Variants in AADAT observed in about 807,000 individuals in gnomAD.
AADAT encodes kynurenine/alpha-aminoadipate aminotransferase, mitochondrial.
A neutral mutation model predicts 56.2 loss-of-function variants in AADAT; 25 were observed. The ratio of observed to expected loss-of-function variants is 0.44; its 90% confidence interval spans 0.32 to 0.62. AADAT has a LOEUF of 0.62. AADAT is among the 20% of genes least tolerant of loss of function. The probability of loss-of-function intolerance (pLI) is 0.04; values close to 1 mark genes in which losing one functional copy is unlikely to be tolerated. For synonymous variants in AADAT, 173 were observed against 164.7 expected, an observed-to-expected ratio of 1.05 and a Z score of -0.39; for missense variants, 387 against 510.5, an observed-to-expected ratio of 0.76 and a Z score of 2.33.
chr4:170,087,685 C>T (rs1732631464), intron 2 of AADAT, among the ~76,000 whole-genome samples: 1 of 152,048 alleles, frequency 6.6e-6, no homozygotes, highest in African/African-American at 2.4e-5. Context: ...CACATATATA[C>T]ATGAATAACA....
Position 170,069,247 on chromosome 4 carries a change from A to G in AADAT, c.721-17T>C. On this transcript the variant is annotated splice_polypyrimidine_tract_variant and intron_variant, in intron 6 of 12. Transcript: ENST00000337664. ...TACCCTGAACTTAAAATGAAAAATA[A>G]AAAATACTGTTGGTCTGAAAGCTCT... 6.2e-7 allele frequency: 1 copy of G among 1,604,034 alleles called. No homozygotes were observed. The highest frequency in any genetic ancestry group is 8.5e-7 in the Non-Finnish European group (1 of 1,171,690).
Position 170,087,179 on chromosome 4 carries a change from G to A in AADAT, c.306C>T (p.Tyr102=). 2 of 1,614,098 alleles carry A rather than the reference G, an allele frequency of 1.2e-6. No homozygotes were observed. The highest frequency in any genetic ancestry group is 1.1e-5 in the South Asian group (1 of 91,078). The stretch of plus-strand genomic sequence containing the variant: ...GATCCATTTGTCCTTGACTGGGTGG[G>A]TAATGGATGGTAGGAGGATTATGCA... ...IKLHNPPTIH[Y]PPSQGQMDLC... Residue 102 remains tyrosine (Y), a synonymous_variant, in exon 3 of 13, where the codon TAC becomes TAT. Coordinates refer to ENST00000337664, the MANE Select transcript of AADAT (RefSeq NM_016228.4).
In AADAT at chr4:170,064,193, C is replaced by T. The variant is rs376659220; in HGVS notation, c.1134+526G>A. Among the ~76,000 whole-genome samples, 7 of 152,270 alleles carry T rather than the reference C, an allele frequency of 4.6e-5. No homozygotes were observed. In the East Asian group the frequency reaches 1.4e-3, roughly 29 times the overall value. ...TTTTATACATTTTCCAAATATCCTA[C>T]CACGAGTATACTTTATCTCCATCAT... On this transcript the variant is annotated intron_variant, in intron 11 of 12. Transcript: ENST00000337664.
chr4:170,088,269 G>C (rs1732658198), intron 2 of AADAT, 127 bp downstream of exon 2: 1 of 969,812 alleles, frequency 1.0e-6, no homozygotes, highest in African/African-American at 1.6e-5. Flanking sequence ...ATGACCAAAT[G>C]GGTCAATGGC....
upstream of AADAT, among the ~76,000 whole-genome samples, chr4:170,092,407 G>T (rs1561029595): frequency 6.6e-6 from 1 of 152,204 alleles, no homozygotes; most frequent in Non-Finnish European, 1.5e-5. Context: ...GCAGCTTCAC[G>T]CCAGCAGCCA....
chr4:170,077,240 A>C (rs895207607), intron 4 of AADAT, among the ~76,000 whole-genome samples: 1 of 152,202 alleles, frequency 6.6e-6, no homozygotes, highest in African/African-American at 2.4e-5. Context: ...GGCTGTTGGC[A>C]TATCGATAGG....
Position 170,060,638 on chromosome 4 carries a change from G to C in AADAT, c.*290C>G. The C allele has an allele frequency of 3.8e-6, 1 of 260,068 alleles. No homozygotes were observed. Among genetic ancestry groups the C allele is most frequent in the Non-Finnish European group, 7.2e-6 (1 of 139,288 alleles). The allele number at this position is 260,068 out of a possible 1,614,324, so 16.1% of individuals were successfully genotyped here. A position where few individuals can be genotyped will look rare whatever the true frequency, so the allele number is the denominator to read the frequency against. On this transcript the variant is annotated 3_prime_UTR_variant, in exon 13 of 13. Transcript: ENST00000337664. ...ACTACTACAGATAGGACATGTTTGA[G>C]GAAATTTAATCTTTAAGTCTAATAC... is the stretch of plus-strand genomic sequence containing the variant.
At position 170,081,185 on chromosome 4, in the gene AADAT, T is replaced by C. The variant is rs116578912; in HGVS notation, c.370-2602A>G. On this transcript the variant is annotated intron_variant, in intron 3 of 12. Coordinates refer to ENST00000337664, the MANE Select transcript of AADAT (RefSeq NM_016228.4). ...AGAATTGTTGAACTGAGGAACTCAT[T>C]AGAGGCTCTCATCATCAAAATGGAC... Among the ~76,000 whole-genome samples the C allele has an allele frequency of 4.4e-3, 663 of 152,262 alleles. 10 individuals are homozygous for C. The highest frequency in any genetic ancestry group is 0.015 in the African/African-American group (632 of 41,546).
chr4:170,091,799 G>C (rs1215133499), upstream of AADAT: 1 of 152,200 alleles, frequency 6.6e-6, no homozygotes, highest in African/African-American at 2.4e-5. Context: ...GCACCAATGG[G>C]CACTCTGTAT....
chr4:170,092,506 C>G (rs187043012), upstream of AADAT, among the ~76,000 whole-genome samples: 1 of 152,362 alleles, frequency 6.6e-6, no homozygotes, highest in African/African-American at 2.4e-5. Flanking sequence ...ACTTTAAGAA[C>G]TGTTAACACA....
upstream of AADAT, among the ~76,000 whole-genome samples, chr4:170,091,956 T>C (rs768332771): frequency 1.3e-5 from 2 of 152,232 alleles, no homozygotes; most frequent in Non-Finnish European, 2.9e-5. Context: ...AATACACCAA[T>C]TAGCACTCTG....
intron 1 of AADAT, among the ~76,000 whole-genome samples, chr4:170,089,056 T>C (rs996416526): frequency 2.6e-5 from 4 of 152,242 alleles, no homozygotes; most frequent in East Asian, 1.9e-4. Flanking sequence ...GCAGCCTGAA[T>C]GGACTAAGAC....
intron 7 of AADAT, 92 bp from the exon 8 acceptor site, chr4:170,068,779 C>G (rs1167443787): frequency 1.1e-5 from 9 of 810,368 alleles, no homozygotes; most frequent in South Asian, 1.9e-5. Flanking sequence ...CAATTGTGAC[C>G]TGGGGACAAA....
chr4:170,076,864 T>C (rs1463112093), intron 4 of AADAT, among the ~76,000 whole-genome samples: 4 of 152,168 alleles, frequency 2.6e-5, no homozygotes, highest in Non-Finnish European at 5.9e-5. Flanking sequence ...AGGTCTTTGA[T>C]CCATTTTGAG....
chr4:170,071,600 G>A (rs1424665579), intron 5 of AADAT, among the ~76,000 whole-genome samples: 1 of 152,212 alleles, frequency 6.6e-6, no homozygotes, highest in Non-Finnish European at 1.5e-5. Flanking sequence ...GCTGTAAACA[G>A]GAGAACCCGG....
chr4:170,086,255 AAAAG>A (rs1269722884), intron 3 of AADAT, among the ~76,000 whole-genome samples: 1 of 151,896 alleles, frequency 6.6e-6, no homozygotes, highest in African/African-American at 2.4e-5. Context: ...CAAAAAAAAA[AAAAG>A]AAAGAAAAGA....
chr4:170,087,101 T>A lies in AADAT; in HGVS notation c.369+15A>T, dbSNP rs769914090. 12 of 1,613,002 alleles carry A rather than the reference T, an allele frequency of 7.4e-6. No individual in the cohort carries two copies. Among genetic ancestry groups the A allele is most frequent in the Middle Eastern group, 1.6e-4 (1 of 6,080 alleles). On this transcript the variant is annotated intron_variant, in intron 3 of 12. Transcript: ENST00000337664. ...CCAATTCTACATTTTGGCTGAGTTTTCCTTTCAGTCTTACCTTACAAAGAC... is the reference window on the plus strand; with the variant it reads ...CCAATTCTACATTTTGGCTGAGTTTACCTTTCAGTCTTACCTTACAAAGAC...
rs762424880 is a variant in AADAT, at chr4:170,067,412, A to G, written c.901-24T>C. ...AGCTAAAAGAGATAAAATCATAAAT[A>G]CCATGTTTCATCCCCTGAAAATGTA... On this transcript the variant is annotated intron_variant, in intron 8 of 12. Coordinates refer to ENST00000337664, the MANE Select transcript of AADAT (RefSeq NM_016228.4). 33 of 1,594,442 alleles carry G rather than the reference A, an allele frequency of 2.1e-5. No individual in the cohort carries two copies. The South Asian group carries it at 3.7e-4, about 18-fold the overall frequency.
Position 170,078,495 on chromosome 4 carries a change from A to G in AADAT, c.444+14T>C. On this transcript the variant is annotated intron_variant, in intron 4 of 12. Transcript: ENST00000337664. ...ACTACAAGAGAGTTGCCTTTAGTAAAAATGTATACTCACACTTTGAAGAGT... is the reference window on the plus strand; with the variant it reads ...ACTACAAGAGAGTTGCCTTTAGTAAGAATGTATACTCACACTTTGAAGAGT... 6.4e-7 allele frequency: 1 copy of G among 1,567,630 alleles called. No individual in the cohort carries two copies.
Sources: allele counts gnomAD v4.1 joint callset (sites outside exome capture counted in the v4.1 genomes callset), GRCh38; gene constraint gnomAD v4.1.1; transcripts MANE v1.5; gene names NCBI Gene and HGNC (gene_info 2026-07-23, HGNC 2026-07-21).